Variants in ACSF3 observed in about 807,000 individuals in gnomAD.
ACSF3 encodes the protein acyl-CoA synthetase family member 3, also known as malonate--CoA ligase ACSF3, mitochondrial.
A neutral mutation model predicts 53.2 loss-of-function variants in ACSF3; 78 were observed. The ratio of observed to expected loss-of-function variants is 1.47; its 90% confidence interval spans 1.22 to 1.77. ACSF3 has a LOEUF of 1.77. ACSF3 is among the 40% of genes most tolerant of loss of function. The pLI is 0.00. For missense variants in ACSF3, 937 were observed against 771.1 expected (o/e 1.22, Z -2.55); for synonymous variants, 414 against 333.1 (o/e 1.24, Z -2.65).
At chr16:89,134,770 C>G (rs776005239) in intron 8 of ACSF3, among the ~76,000 whole-genome samples, 2 of 152,214 alleles carry the variant, frequency 1.3e-5, no homozygotes, top group African/African-American at 2.4e-5. Flanking sequence ...CCTGACTGGT[C>G]GGGTGTGAGC....
rs1598024831 is a variant in ACSF3 at position 89,129,098 on chromosome 16, C to T, written c.1240-4038C>T. Among the ~76,000 whole-genome samples, 3 of 152,200 alleles carry T rather than the reference C, an allele frequency of 2.0e-5. No homozygotes were observed. The East Asian group carries it at 5.8e-4, about 29-fold the overall frequency. ...AGTGAGCTGTGATGATGCCACCGCA[C>T]TCCAGCCTGACAGAGCAAGAGTGTG... On this transcript the variant is annotated intron_variant, in intron 7 of 10. Coordinates refer to ENST00000614302, the MANE Select transcript of ACSF3 (RefSeq NM_001243279.3).
Position 89,112,127 on chromosome 16 carries a change from G to A in ACSF3, c.858G>A (p.Arg286=). The A allele has an allele frequency of 6.2e-7, 1 of 1,614,242 alleles. No homozygotes were observed. The highest frequency in any genetic ancestry group is 1.1e-5 in the South Asian group (1 of 91,086). ...AGTTCTTAAGTTCTGAAACGCCGCGGATCAATGTCTTTATGGCAGTGCCTA... is the reference window on the plus strand; with the variant it reads ...AGTTCTTAAGTTCTGAAACGCCGCGAATCAATGTCTTTATGGCAGTGCCTA... The part of the protein sequence containing the change: ...WEKFLSSETP[R]INVFMAVPTI... The change falls in exon 5 of 11, where the codon CGG becomes CGA. Residue 286 remains arginine (R), a synonymous_variant. Transcript: ENST00000614302.
At chr16:89,137,108 G>C (rs1233489197) in intron 8 of ACSF3, among the ~76,000 whole-genome samples, 1 of 152,352 alleles carries the variant, frequency 6.6e-6, no homozygotes, top group African/African-American at 2.4e-5. Context: ...CCTCCTGGGG[G>C]CATCCAGGGG....
intron 8 of ACSF3, among the ~76,000 whole-genome samples, chr16:89,140,594 C>T (rs937044196): frequency 2.6e-5 from 4 of 152,188 alleles, no homozygotes; most frequent in African/African-American, 9.7e-5. Flanking sequence ...TTCCTGGGAT[C>T]GCGCTTTGGG....
Position 89,102,704 on chromosome 16 carries a change from G to T in ACSF3, c.767G>T (p.Cys256Phe). ...CATGGTGTGGTCAACGCGCTGCTCT[G>T]TCCTCTCTGGGTGGGAGCCACCTGT... ...HVHGVVNALLCPLWVGATCVM... is the reference protein window; with the variant it reads ...HVHGVVNALLFPLWVGATCVM... The change falls in exon 4 of 11, where the codon TGT becomes TTT. Residue 256 changes from cysteine to phenylalanine, a missense_variant. Physicochemically the swap from Cys to Phe is radical, Grantham distance 205. Transcript: ENST00000614302. The T allele has an allele frequency of 6.2e-7, 1 of 1,613,586 alleles. No individual in the cohort carries two copies. The highest frequency in any genetic ancestry group is 8.5e-7 in the Non-Finnish European group (1 of 1,180,022).
At position 89,118,558 on chromosome 16, in the gene ACSF3, C is replaced by CG. The variant is rs1567709248; in HGVS notation, c.1127-2241dup. Among the ~76,000 whole-genome samples the CG allele has an allele frequency of 2.7e-3, 167 of 62,940 alleles. 2 individuals are homozygous for CG. The highest frequency in any genetic ancestry group is 6.9e-3 in the African/African-American group (153 of 22,200). 41.3% of individuals were successfully genotyped at this position (62,940 alleles called of 152,430 possible). On this transcript the variant is annotated intron_variant, in intron 6 of 10. Transcript: ENST00000614302. The stretch of plus-strand genomic sequence containing the variant: ...CGCTGCTCAGTGCACTGTCCGTGCT[C>CG]GGAAGAGAGAGAAGCTGGGTGGAGG...
At chr16:89,100,334 C>T (rs944918064) in intron 2 of ACSF3, among the ~76,000 whole-genome samples, 7 of 152,236 alleles carry the variant, frequency 4.6e-5, no homozygotes, top group African/African-American at 1.7e-4. Context: ...ATTCTAAAAC[C>T]CATTATTCAG....
At chr16:89,126,657 T>C (rs1271906186) in intron 7 of ACSF3, among the ~76,000 whole-genome samples, 1 of 152,262 alleles carries the variant, frequency 6.6e-6, no homozygotes, top group African/African-American at 2.4e-5. Context: ...TCAAATACTT[T>C]AGTTGTTACC....
At chr16:89,101,630 C>CA (rs1975357180) in intron 3 of ACSF3, among the ~76,000 whole-genome samples, 1 of 152,200 alleles carries the variant, frequency 6.6e-6, no homozygotes, top group Non-Finnish European at 1.5e-5. Flanking sequence ...AGGGACCACT[C>CA]ACTGCCTGTG....
chr16:89,150,883 A>G, intron 10 of ACSF3: 1 of 859,722 alleles, frequency 1.2e-6, no homozygotes, highest in South Asian at 1.7e-5. Context: ...CATGAAAGAA[A>G]GAAGAACAGG....
chr16:89,095,644 C>T (rs1974527691), intron 1 of ACSF3, among the ~76,000 whole-genome samples: 1 of 152,066 alleles, frequency 6.6e-6, no homozygotes, highest in Non-Finnish European at 1.5e-5. Context: ...GGTCAGGTGT[C>T]GTTTTATTCA....
chr16:89,133,421 T>G (rs1296603875), intron 8 of ACSF3, among the ~76,000 whole-genome samples, 159 bp downstream of exon 8: 9 of 152,172 alleles, frequency 5.9e-5, no homozygotes. Flanking sequence ...GTTACGGCAC[T>G]GCCTCCTGAG....
chr16:89,109,798 G>T (rs1037947426), intron 4 of ACSF3, among the ~76,000 whole-genome samples: 4 of 152,074 alleles, frequency 2.6e-5, no homozygotes, highest in Non-Finnish European at 5.9e-5. Flanking sequence ...TGTTGCCCAG[G>T]CTGGCCTCAC....
At chr16:89,108,356 ACTT>A (rs1221670953) in intron 4 of ACSF3, among the ~76,000 whole-genome samples, 2 of 152,178 alleles carry the variant, frequency 1.3e-5, no homozygotes, top group African/African-American at 4.8e-5. Flanking sequence ...AGCCTGGAGA[ACTT>A]CTTTTCAATA....
chr16:89,133,308 G>A (rs375591399), intron 8 of ACSF3, 46 bp downstream of exon 8: 55 of 1,612,134 alleles, frequency 3.4e-5, no homozygotes, highest in Non-Finnish European at 4.5e-5. Flanking sequence ...GAGGGGACAG[G>A]CAGGAACTCA....
rs116142326 is a variant in ACSF3 at position 89,135,206 on chromosome 16, A to G, written c.1366+1944A>G. Among the ~76,000 whole-genome samples, 705 of 152,176 alleles carry G rather than the reference A, an allele frequency of 4.6e-3. 4 individuals carry two copies. The highest frequency in any genetic ancestry group is 0.016 in the African/African-American group (672 of 41,526). On this transcript the variant is annotated intron_variant, in intron 8 of 10. Coordinates refer to ENST00000614302, the MANE Select transcript of ACSF3 (RefSeq NM_001243279.3). ...AGAATCTGCTGGCCCAAAATCAGAA[A>G]CGCATCTGCCCCATGCCCTTCCACA...
chr16:89,095,919 C>G (rs572106753), intron 1 of ACSF3, among the ~76,000 whole-genome samples: 2 of 152,212 alleles, frequency 1.3e-5, no homozygotes, highest in Admixed American at 6.5e-5. Flanking sequence ...CCTGTGGTGA[C>G]TAACTCTGCC....
intron 7 of ACSF3, among the ~76,000 whole-genome samples, chr16:89,121,655 A>G (rs1906683470): frequency 6.6e-6 from 1 of 152,208 alleles, no homozygotes; most frequent in South Asian, 2.1e-4. Context: ...TGTTGCCCTG[A>G]GGTTTTCAAA....
intron 8 of ACSF3, among the ~76,000 whole-genome samples, chr16:89,139,826 C>T (rs1449061808): frequency 3.9e-5 from 6 of 152,162 alleles, no homozygotes; most frequent in African/African-American, 1.4e-4. Context: ...ATCTCCTGAC[C>T]TCGTGATCTC....
Sources: allele counts gnomAD v4.1 joint callset (sites outside exome capture counted in the v4.1 genomes callset), GRCh38; gene constraint gnomAD v4.1.1; transcripts MANE v1.5; gene names NCBI Gene and HGNC (gene_info 2026-07-23, HGNC 2026-07-21).